Variants in SEC24D observed in about 807,000 individuals in gnomAD.
The protein encoded by SEC24D is SEC24 homolog D, COPII component.
SEC24D carries 69 observed loss-of-function variants against 116.9 expected under a neutral mutation model. The observed-to-expected ratio is 0.59, with a 90% confidence interval of 0.49 to 0.72. The LOEUF (loss-of-function observed/expected upper bound fraction) is 0.72. Among genes scored for constraint, SEC24D ranks in the 30% least tolerant of loss-of-function variants. The pLI is 0.00. For synonymous variants in SEC24D, 405 were observed against 442.8 expected (o/e 0.91, Z 1.07); for missense variants, 1,131 against 1,264.1 (o/e 0.89, Z 1.60).
chr4:118,730,309 A>G (rs1443320836), intron 21 of SEC24D: 3 of 152,174 alleles, frequency 2.0e-5, no homozygotes, highest in East Asian at 3.8e-4. Context: ...CTAAATCTTC[A>G]TCTTAAAACC....
chr4:118,745,719 C>G (rs1283873035), intron 13 of SEC24D, among the ~76,000 whole-genome samples: 1 of 152,140 alleles, frequency 6.6e-6, no homozygotes, highest in Non-Finnish European at 1.5e-5. Flanking sequence ...ATTTAAGGAG[C>G]TAAGAAGTAA....
chr4:118,738,266 T>C lies in SEC24D; in HGVS notation c.2491A>G (p.Ser831Gly). ...ATGTGCAATAGGTAGCTCACCTGGC[T>C]TGCTGCAGAAGGACTTGCACAATTC... Reference protein sequence around the residue: ...RKNCASPSAASQLILPDSMKV... With the variant: ...RKNCASPSAAGQLILPDSMKV... The change falls in exon 19 of 23, where the codon AGC becomes GGC. Residue 831 changes from serine to glycine, a missense_variant. By Grantham distance (56) the Ser-to-Gly change is moderately conservative. Transcript: ENST00000280551. 6.2e-7 allele frequency: 1 copy of C among 1,608,038 alleles called. No homozygotes were observed. Among genetic ancestry groups the C allele is most frequent in the Non-Finnish European group, 8.5e-7 (1 of 1,174,518 alleles).
At chr4:118,784,743 C>A (rs530106639) in intron 8 of SEC24D, among the ~76,000 whole-genome samples, 5 of 151,088 alleles carry the variant, frequency 3.3e-5, no homozygotes, top group Admixed American at 6.6e-5. Flanking sequence ...TTCCCTGCCC[C>A]CCCCCCCGCC....
intron 7 of SEC24D, among the ~76,000 whole-genome samples, chr4:118,800,483 T>G (rs1391456183): frequency 6.6e-6 from 1 of 152,164 alleles, no homozygotes; most frequent in Non-Finnish European, 1.5e-5. Flanking sequence ...GAAATCCGGA[T>G]TTTTATATAA....
rs1377690837 is a variant in SEC24D, at chr4:118,731,493, G to C, written c.2691C>G (p.Val897=). ...CGGCAGCAGGTAACATTGTACTCTT[G>C]ACATCTAACGTGTGCTGGGCAGGCA... ...PQLLPIHTLD[V]KSTMLPAAVR... Residue 897 remains valine, a synonymous_variant, in exon 21 of 23, where the codon GTC becomes GTG. Transcript: ENST00000280551. 6.2e-7 allele frequency: 1 copy of C among 1,613,964 alleles called. No individual in the cohort carries two copies. Among genetic ancestry groups the C allele is most frequent in the Non-Finnish European group, 8.5e-7 (1 of 1,179,904 alleles).
chr4:118,824,821 A>C, intron 2 of SEC24D, 72 bp from the exon 3 acceptor site: 1 of 1,381,096 alleles, frequency 7.2e-7, no homozygotes, highest in Non-Finnish European at 9.7e-7. Flanking sequence ...CATTAGGTTA[A>C]AAATGAGAAC....
intron 8 of SEC24D, among the ~76,000 whole-genome samples, chr4:118,794,007 C>A (rs987242645): frequency 1.3e-5 from 2 of 152,146 alleles, no homozygotes; most frequent in African/African-American, 4.8e-5. Context: ...ACCATTCTAA[C>A]CTCCTGTTTA....
intron 10 of SEC24D, among the ~76,000 whole-genome samples, chr4:118,760,964 G>T (rs189289436): frequency 6.6e-6 from 1 of 151,858 alleles, no homozygotes; most frequent in African/African-American, 2.4e-5. Context: ...TGATCTGCCC[G>T]CCTTGGCCTC....
chr4:118,753,489 T>C (rs1726935929), intron 11 of SEC24D, among the ~76,000 whole-genome samples: 1 of 152,086 alleles, frequency 6.6e-6, no homozygotes, highest in Non-Finnish European at 1.5e-5. Flanking sequence ...AGTGTAATTG[T>C]TATTAGGTGA....
chr4:118,743,332 AT>A (rs1358730951), intron 15 of SEC24D, among the ~76,000 whole-genome samples: 1 of 146,708 alleles, frequency 6.8e-6, no homozygotes, highest in East Asian at 2.0e-4. Context: ...AACCATAAAT[AT>A]ATATGGTTCC....
chr4:118,735,851 A>T (rs1725931027), intron 19 of SEC24D: 1 of 151,254 alleles, frequency 6.6e-6, no homozygotes, highest in South Asian at 2.1e-4. Context: ...GTACCACTAC[A>T]CCTGGCTAAG....
rs534432549 is a variant in SEC24D at position 118,775,856 on chromosome 4, C to CA, written c.1042-7546dup. 1.4e-4 allele frequency among the ~76,000 whole-genome samples: 22 copies of CA among 152,244 alleles called. No individual in the cohort carries two copies. The South Asian group carries it at 4.4e-3, about 30-fold the overall frequency. ...TTTTTAGAATTTTTGTTTGTTTCAT[C>CA]ATCTCATATTTCACTCAATTCATTA... On this transcript the variant is annotated intron_variant, in intron 8 of 22. Transcript: ENST00000280551.
intron 9 of SEC24D, among the ~76,000 whole-genome samples, chr4:118,767,291 T>C (rs932667567): frequency 2.0e-5 from 3 of 152,156 alleles, no homozygotes; most frequent in Non-Finnish European, 4.4e-5. Flanking sequence ...AATGTAATGA[T>C]GTAGGAGGAA....
intron 5 of SEC24D, 110 bp downstream of exon 5, chr4:118,815,341 T>C: frequency 1.4e-6 from 2 of 1,436,874 alleles, no homozygotes; most frequent in Non-Finnish European, 1.9e-6. Context: ...AAAACTACCA[T>C]TTCTTAAAAG....
At chr4:118,756,432 C>G (rs184891874) in intron 11 of SEC24D, among the ~76,000 whole-genome samples, 33 of 152,166 alleles carry the variant, frequency 2.2e-4, no homozygotes, top group Non-Finnish European at 4.4e-4. Flanking sequence ...AAACCATCTT[C>G]GAAAATATTA....
chr4:118,774,972 T>C lies in SEC24D; in HGVS notation c.1042-6661A>G, dbSNP rs112185911. Among the ~76,000 whole-genome samples the C allele has an allele frequency of 4.5e-4, 69 of 152,322 alleles. 1 individual carries two copies. The highest frequency in any genetic ancestry group is 1.6e-3 in the African/African-American group (65 of 41,578). The stretch of plus-strand genomic sequence containing the variant: ...ACAATGGAAGGGGTATTCCCTCTCT[T>C]GTGACTTCTTAGAGGCTTTGTCTAA... On this transcript the variant is annotated intron_variant, in intron 8 of 22. Transcript: ENST00000280551.
chr4:118,760,798 C>G (rs1004158690), intron 10 of SEC24D, among the ~76,000 whole-genome samples: 4 of 151,990 alleles, frequency 2.6e-5, no homozygotes, highest in Non-Finnish European at 4.4e-5. Flanking sequence ...ACCTCCAACT[C>G]CCGGGTTCAA....
chr4:118,764,864 AGTG>A lies in SEC24D; in HGVS notation c.1231_1233del (p.His411del). The A allele has an allele frequency of 5.0e-6, 8 of 1,611,706 alleles. No individual in the cohort carries two copies. Among genetic ancestry groups the A allele is most frequent in the Non-Finnish European group, 6.8e-6 (8 of 1,178,024 alleles). On this transcript the variant is annotated inframe_deletion, in exon 10 of 23. Coordinates refer to ENST00000280551, the MANE Select transcript of SEC24D (RefSeq NM_014822.4). ...CCTAGAGATAACTCTGGTTTCTCAT[AGTG>A]GTCCAGTCTTCTTCCAATGTGGTCC...
At chr4:118,775,565 G>A (rs1217212874) in intron 8 of SEC24D, among the ~76,000 whole-genome samples, 1 of 152,086 alleles carries the variant, frequency 6.6e-6, no homozygotes, top group African/African-American at 2.4e-5. Flanking sequence ...TAAAGAGAAA[G>A]GCTGGAGTGA....
Sources: allele counts gnomAD v4.1 joint callset (sites outside exome capture counted in the v4.1 genomes callset), GRCh38; gene constraint gnomAD v4.1.1; transcripts MANE v1.5; gene names NCBI Gene and HGNC (gene_info 2026-07-23, HGNC 2026-07-21).